Variants in LGALS3BP observed in about 807,000 individuals in gnomAD.
The protein encoded by LGALS3BP is galectin 3 binding protein, also known as galectin-3-binding protein.
Under a neutral mutation model 22.9 loss-of-function variants are expected in LGALS3BP, and 25 were observed. That is an observed-to-expected ratio of 1.09 (90% confidence interval 0.80 to 1.53). LGALS3BP has a LOEUF of 1.53. Ranked by LOEUF, LGALS3BP falls within the 40% of genes most tolerant of loss-of-function variation. The probability of loss-of-function intolerance (pLI) is 0.00; values close to 1 mark genes in which losing one functional copy is unlikely to be tolerated. For synonymous variants in LGALS3BP, 335 were observed against 331.1 expected, an observed-to-expected ratio of 1.01 and a Z score of -0.13; for missense variants, 718 against 752.0, an observed-to-expected ratio of 0.95 and a Z score of 0.53.
intron 1 of LGALS3BP, 76 bp from the exon 2 acceptor site, chr17:78,977,290 C>A: frequency 8.2e-7 from 1 of 1,222,288 alleles, no homozygotes; most frequent in East Asian, 2.4e-5. Context: ...CCTGCCCATT[C>A]ACCCTTCAGC....
At position 78,972,284 on chromosome 17, in the gene LGALS3BP, C is replaced by T. The variant is rs534200430; in HGVS notation, c.1050G>A (p.Met350Ile). Reference sequence around the variant, plus strand: ...GCTCAAAGAGCTCCTCAGGGAGCATCATGGGGAAGCGGATCTTCTCCACCA... The same window carrying T: ...GCTCAAAGAGCTCCTCAGGGAGCATTATGGGGAAGCGGATCTTCTCCACCA... ...EGLVEKIRFP[M>I]MLPEELFELQ... The change falls in exon 6 of 6, where the codon ATG (methionine) becomes ATA (isoleucine). Residue 350 changes from methionine (M) to isoleucine (I), a missense_variant. Met to Ile is a conservative substitution (Grantham distance 10). Coordinates refer to ENST00000262776, the MANE Select transcript of LGALS3BP (RefSeq NM_005567.4). The surrounding 1 kb of genome is among the most constrained non-coding windows in gnomAD (Gnocchi z 5.1). The T allele has an allele frequency of 6.2e-7, 1 of 1,613,458 alleles. No homozygotes were observed. Among genetic ancestry groups the T allele is most frequent in the East Asian group, 2.2e-5 (1 of 44,866 alleles).
chr17:78,971,672 C>T lies in LGALS3BP; in HGVS notation c.1662G>A (p.Lys554=). The T allele has an allele frequency of 6.2e-7, 1 of 1,613,870 alleles. No homozygotes were observed. Among genetic ancestry groups the T allele is most frequent in the Non-Finnish European group, 8.5e-7 (1 of 1,180,044 alleles). Residue 554 remains lysine (K), a synonymous_variant, in exon 6 of 6, where the codon AAG becomes AAA. Coordinates refer to ENST00000262776, the MANE Select transcript of LGALS3BP (RefSeq NM_005567.4). This position sits in a 1 kb window ranked among gnomAD's most constrained non-coding sequence, Gnocchi z 5.6. ...IPSALDTNSS[K]STSSFPCPAG... is the part of the protein sequence containing the mutation. ...CCGGGCAGGGGAAGGAGGAGGTGCTCTTCGAGCTGTTGGTGTCCAGGGCAC... is the reference window on the plus strand; with the variant it reads ...CCGGGCAGGGGAAGGAGGAGGTGCTTTTCGAGCTGTTGGTGTCCAGGGCAC...
At chr17:78,974,316 G>A (rs148533331) in intron 4 of LGALS3BP, among the ~76,000 whole-genome samples, 171 of 152,368 alleles carry the variant, frequency 1.1e-3, no homozygotes, top group Middle Eastern at 6.8e-3. Context: ...GACTCCCTCC[G>A]CCAGGACGGG....
rs2070690298 is a variant in LGALS3BP at position 78,973,169 on chromosome 17, C to A, written c.430G>T (p.Gly144Cys). Residue 144 changes from glycine to cysteine, a missense_variant, in exon 5 of 6, where the codon GGC becomes TGC. Physicochemically the swap from Gly to Cys is radical, Grantham distance 159. Transcript: ENST00000262776. The surrounding 1 kb of genome is among the most constrained non-coding windows in gnomAD (Gnocchi z 5.8). ...CCCCGCTGGCTGTCAAAGATCTGGC[C>A]AAGGGCCTCCGAGAGCTCCCTGGAG... is the stretch of plus-strand genomic sequence containing the variant. ...DLSRELSEALGQIFDSQRGCD... is the reference protein window; with the variant it reads ...DLSRELSEALCQIFDSQRGCD... 4 of 1,604,310 alleles carry A rather than the reference C, an allele frequency of 2.5e-6. No individual in the cohort carries two copies. Among genetic ancestry groups the A allele is most frequent in the Non-Finnish European group, 3.4e-6 (4 of 1,176,072 alleles).
intron 1 of LGALS3BP, chr17:78,977,558 G>A (rs940208390): frequency 5.8e-5 from 16 of 273,880 alleles, no homozygotes; most frequent in Non-Finnish European, 1.1e-4. Flanking sequence ...GCTGCCACAC[G>A]GGCATGGGCG....
chr17:78,972,059 T>G lies in LGALS3BP; in HGVS notation c.1275A>C (p.Ala425=), dbSNP rs1367334590. The G allele has an allele frequency of 3.1e-6, 5 of 1,614,042 alleles. No homozygotes were observed. Among genetic ancestry groups the G allele is most frequent in the South Asian group, 1.1e-5 (1 of 91,080 alleles). Residue 425 remains alanine (A), a synonymous_variant, in exon 6 of 6, where the codon GCA becomes GCC. Transcript: ENST00000262776. This position sits in a 1 kb window ranked among gnomAD's most constrained non-coding sequence, Gnocchi z 5.1. ...SAFVTDSSWS[A]RKSQLVYQSR... ...ACTGATAGACCAGTTGTGACTTCCG[T>G]GCACTCCAGGAACTGTCTGTCACAA...
rs1010946645 is a variant in LGALS3BP at position 78,971,618 on chromosome 17, G to A, written c.1716C>T (p.Val572=). ...AGTTGGTCAGGTAGAAGGGGCGGATGACCGTGCGGAAGCCGTTGAAGTGCC... is the reference window on the plus strand; with the variant it reads ...AGTTGGTCAGGTAGAAGGGGCGGATAACCGTGCGGAAGCCGTTGAAGTGCC... ...PAGHFNGFRT[V]IRPFYLTNSS... The change falls in exon 6 of 6, where the codon GTC becomes GTT. Residue 572 remains valine (V), a synonymous_variant. Transcript: ENST00000262776. This position sits in a 1 kb window ranked among gnomAD's most constrained non-coding sequence, Gnocchi z 5.6. 6.8e-6 allele frequency: 11 copies of A among 1,613,716 alleles called. No individual in the cohort carries two copies. The highest frequency in any genetic ancestry group is 1.3e-5 in the African/African-American group (1 of 75,064).
chr17:78,972,926 C>A lies in LGALS3BP; in HGVS notation c.629+44G>T. 1 of 1,569,218 alleles carries A rather than the reference C, an allele frequency of 6.4e-7. No homozygotes were observed. The highest frequency in any genetic ancestry group is 8.7e-7 in the Non-Finnish European group (1 of 1,155,686). On this transcript the variant is annotated intron_variant, in intron 5 of 5. Transcript: ENST00000262776. The surrounding 1 kb of genome is among the most constrained non-coding windows in gnomAD (Gnocchi z 5.1). ...TGTGCTTTTGAAGAGGGGAGGAGGA[C>A]AAAGCCCCTGGCGGCCCCAGAGCCT...
In LGALS3BP at chr17:78,974,797, A is replaced by C; in HGVS notation, c.267T>G (p.Asp89Glu). Residue 89 changes from aspartate to glutamate, a missense_variant, in exon 4 of 6, where the codon GAT becomes GAG. Transcript: ENST00000262776. ...CCTCGGTTCCCGTGCACTGGACCTC[A>C]TCCAGCATGATGGGGCCTGATCCTG... ...FGQGSGPIML[D>E]EVQCTGTEAS... 6.2e-7 allele frequency: 1 copy of C among 1,613,808 alleles called. No individual in the cohort carries two copies. The highest frequency in any genetic ancestry group is 8.5e-7 in the Non-Finnish European group (1 of 1,180,012).
Position 78,976,915 on chromosome 17 carries a change from AG to A in LGALS3BP, c.52+224del, listed in dbSNP as rs1176845408. On this transcript the variant is annotated intron_variant, in intron 2 of 5. Coordinates refer to ENST00000262776, the MANE Select transcript of LGALS3BP (RefSeq NM_005567.4). The surrounding 1 kb of genome is among the most constrained non-coding windows in gnomAD (Gnocchi z 4.6). The stretch of plus-strand genomic sequence containing the variant: ...CTCTGGACGGAATGGAGGATTCCCT[AG>A]TGTCCTCTCTATAACCTGCATCTCA... 2 of 576,552 alleles carry A rather than the reference AG, an allele frequency of 3.5e-6. No individual in the cohort carries two copies. The highest frequency in any genetic ancestry group is 4.0e-5 in the South Asian group (2 of 50,312). 35.7% of individuals were successfully genotyped at this position (576,552 alleles called of 1,614,324 possible). A position where few individuals can be genotyped will look rare whatever the true frequency, so the allele number is the denominator to read the frequency against.
rs200117710 is a variant in LGALS3BP, at chr17:78,972,957, C to T, written c.629+13G>A. On this transcript the variant is annotated intron_variant, in intron 5 of 5. Coordinates refer to ENST00000262776, the MANE Select transcript of LGALS3BP (RefSeq NM_005567.4). This position sits in a 1 kb window ranked among gnomAD's most constrained non-coding sequence, Gnocchi z 5.1. ...CCCTGGCGGCCCCAGAGCCTGAGGA[C>T]GAGACGGCTCACCTGAGAAGGTCCC... 92 of 1,592,964 alleles carry T rather than the reference C, an allele frequency of 5.8e-5. No individual in the cohort carries two copies. The highest frequency in any genetic ancestry group is 3.4e-4 in the Middle Eastern group (2 of 5,960).
Position 78,974,677 on chromosome 17 carries a change from C to A in LGALS3BP, c.376+11G>T, listed in dbSNP as rs190076297. On this transcript the variant is annotated intron_variant, in intron 4 of 5. Coordinates refer to ENST00000262776, the MANE Select transcript of LGALS3BP (RefSeq NM_005567.4). ...ACTGGGGCCTCCGCAGGGAGGTGCG[C>A]CCCCGCTCACCATTGGTGCAGACCA... The A allele has an allele frequency of 1.9e-3, 3,033 of 1,611,294 alleles. 10 individuals carry two copies. Among genetic ancestry groups the A allele is most frequent in the South Asian group, 4.6e-3 (420 of 90,976 alleles).
rs979574823 is a variant in LGALS3BP at position 78,973,514 on chromosome 17, G to A, written c.377-292C>T. ...CTCCCCCGACTCAGGCAGCAGCTCCGCATGGAGACTTGGTGGTACTGACTC... is the reference window on the plus strand; with the variant it reads ...CTCCCCCGACTCAGGCAGCAGCTCCACATGGAGACTTGGTGGTACTGACTC... On this transcript the variant is annotated intron_variant, in intron 4 of 5. Transcript: ENST00000262776. This position sits in a 1 kb window ranked among gnomAD's most constrained non-coding sequence, Gnocchi z 5.8. Among the ~76,000 whole-genome samples, 18 of 152,132 alleles carry A rather than the reference G, an allele frequency of 1.2e-4. No individual in the cohort carries two copies. The highest frequency in any genetic ancestry group is 2.2e-4 in the Non-Finnish European group (15 of 68,016).
intron 1 of LGALS3BP, 81 bp from the exon 2 acceptor site, chr17:78,977,295 T>C (rs2070729636): frequency 1.7e-6 from 2 of 1,172,834 alleles, no homozygotes; most frequent in East Asian, 4.7e-5. Context: ...CCATTCACCC[T>C]TCAGCCCAAC....
At position 78,972,072 on chromosome 17, in the gene LGALS3BP, C is replaced by T; in HGVS notation, c.1262G>A (p.Ser421Asn). 2 of 1,613,880 alleles carry T rather than the reference C, an allele frequency of 1.2e-6. No individual in the cohort carries two copies. Among genetic ancestry groups the T allele is most frequent in the Non-Finnish European group, 1.7e-6 (2 of 1,179,850 alleles). The change falls in exon 6 of 6, where the codon AGT becomes AAT. Residue 421 changes from serine (S) to asparagine (N), a missense_variant. Coordinates refer to ENST00000262776, the MANE Select transcript of LGALS3BP (RefSeq NM_005567.4). This position sits in a 1 kb window ranked among gnomAD's most constrained non-coding sequence, Gnocchi z 5.1. ...TTGTGACTTCCGTGCACTCCAGGAA[C>T]TGTCTGTCACAAAGGCACTCCAGGT... ...SPTWSAFVTD[S>N]SWSARKSQLV... is the part of the protein sequence containing the mutation.
chr17:78,974,659 C>T, intron 4 of LGALS3BP, 29 bp downstream of exon 4: 1 of 1,604,356 alleles, frequency 6.2e-7, no homozygotes, highest in Non-Finnish European at 8.5e-7. Context: ...CACACTGGGG[C>T]CTCCGCAGGG....
chr17:78,977,466 G>A (rs2070731325), intron 1 of LGALS3BP: 1 of 420,590 alleles, frequency 2.4e-6, no homozygotes, highest in African/African-American at 2.4e-5. Context: ...GTGGGCTGGG[G>A]GCACCCCCTG....
chr17:78,975,000 C>A (rs2070707925), intron 3 of LGALS3BP, 181 bp from the exon 4 acceptor site: 1 of 750,636 alleles, frequency 1.3e-6, no homozygotes, highest in Non-Finnish European at 2.1e-6. Context: ...AATGTCAGGC[C>A]ATAAACTTAG....
Position 78,974,682 on chromosome 17 carries a change from G to T in LGALS3BP, c.376+6C>A. 4 of 1,611,802 alleles carry T rather than the reference G, an allele frequency of 2.5e-6. No homozygotes were observed. The highest frequency in any genetic ancestry group is 2.2e-5 in the East Asian group (1 of 44,856). On this transcript the variant is annotated splice_donor_region_variant and intron_variant, in intron 4 of 5. Transcript: ENST00000262776. Reference sequence around the variant, plus strand: ...GGCCTCCGCAGGGAGGTGCGCCCCCGCTCACCATTGGTGCAGACCACACCA... The same window carrying T: ...GGCCTCCGCAGGGAGGTGCGCCCCCTCTCACCATTGGTGCAGACCACACCA...
Sources: allele counts gnomAD v4.1 joint callset (sites outside exome capture counted in the v4.1 genomes callset), GRCh38; gene constraint gnomAD v4.1.1; non-coding constraint Gnocchi (gnomAD v3.1); transcripts MANE v1.5; gene names NCBI Gene and HGNC (gene_info 2026-07-23, HGNC 2026-07-21).